Variants in SPRED1 observed in about 807,000 individuals in gnomAD.
SPRED1 encodes the protein sprouty related EVH1 domain containing 1, also known as sprouty-related, EVH1 domain-containing protein 1.
SPRED1 carries 18 observed loss-of-function variants against 52.3 expected under a neutral mutation model. The observed-to-expected ratio is 0.34, with a 90% CI of 0.24 to 0.51. SPRED1 has a LOEUF of 0.51. SPRED1 is among the 20% of genes least tolerant of loss of function. SPRED1 has a pLI of 0.97. For missense variants in SPRED1, 485 were observed against 551.0 expected (o/e 0.88, Z 1.20); for synonymous variants, 155 against 179.7 (o/e 0.86, Z 1.10).
chr15:38,259,634 T>A (rs1894166061), intron 1 of SPRED1, among the ~76,000 whole-genome samples: 1 of 152,214 alleles, frequency 6.6e-6, no homozygotes, highest in African/African-American at 2.4e-5. Flanking sequence ...CCAACTTGAT[T>A]AGTTCTACAA....
At chr15:38,262,991 T>C (rs1274417359) in intron 1 of SPRED1, among the ~76,000 whole-genome samples, 2 of 152,172 alleles carry the variant, frequency 1.3e-5, no homozygotes, top group Non-Finnish European at 2.9e-5. Flanking sequence ...GCAGGGCTTC[T>C]TAGGACAGTT....
At position 38,351,109 on chromosome 15, in the gene SPRED1, C is replaced by T; in HGVS notation, c.780C>T (p.Asp260=). The T allele has an allele frequency of 6.2e-7, 1 of 1,614,012 alleles. No homozygotes were observed. Among genetic ancestry groups the T allele is most frequent in the Non-Finnish European group, 8.5e-7 (1 of 1,179,966 alleles). The part of the protein sequence containing the change: ...PRDILIRRYA[D]YRHPDMWKND... ...ATATCTTAATACGTCGCTATGCAGACTACAGACATCCTGACATGTGGAAAA... is the reference window on the plus strand; with the variant it reads ...ATATCTTAATACGTCGCTATGCAGATTACAGACATCCTGACATGTGGAAAA... Residue 260 remains aspartate, a synonymous_variant, in exon 7 of 7, where the codon GAC becomes GAT. Transcript: ENST00000299084.
chr15:38,325,428 T>C (rs1443160461), intron 4 of SPRED1, among the ~76,000 whole-genome samples: 1 of 152,032 alleles, frequency 6.6e-6, no homozygotes, highest in Non-Finnish European at 1.5e-5. Context: ...TCAATCTTTA[T>C]ATAGAAAGTA....
intron 2 of SPRED1, among the ~76,000 whole-genome samples, chr15:38,316,908 C>T (rs150858700): frequency 2.0e-5 from 3 of 151,342 alleles, no homozygotes. Flanking sequence ...AAGGGTTATT[C>T]GTGTCATATT....
In SPRED1 at chr15:38,353,711, T is replaced by C. The variant is rs981442077; in HGVS notation, c.*2047T>C. On this transcript the variant is annotated 3_prime_UTR_variant, in exon 7 of 7. Transcript: ENST00000299084. ...TTTCCTTGTGAATGAATTTTCATAT[T>C]TGTAAGTGCTAAGTTTATAATTCAG... 1 of 152,564 alleles carries C rather than the reference T, an allele frequency of 6.6e-6. No individual in the cohort carries two copies. Among genetic ancestry groups the C allele is most frequent in the African/African-American group, 2.4e-5 (1 of 41,452 alleles). The allele number at this position is 152,564 out of a possible 1,614,324, so 9.5% of individuals were successfully genotyped here.
At chr15:38,257,835 G>C (rs1226518937) in intron 1 of SPRED1, among the ~76,000 whole-genome samples, 1 of 152,218 alleles carries the variant, frequency 6.6e-6, no homozygotes, top group African/African-American at 2.4e-5. Flanking sequence ...AACAGCAGCA[G>C]ATTCCGTGAT....
chr15:38,306,053 A>C (rs1282942444), intron 2 of SPRED1, among the ~76,000 whole-genome samples: 1 of 152,024 alleles, frequency 6.6e-6, no homozygotes, highest in Admixed American at 6.6e-5. Context: ...ACCATAATTA[A>C]ATTTCTAAAA....
At chr15:38,253,553 A>G (rs1477598935) in intron 1 of SPRED1, among the ~76,000 whole-genome samples, 2 of 152,072 alleles carry the variant, frequency 1.3e-5, no homozygotes, top group Admixed American at 1.3e-4. Context: ...TCACTCACAT[A>G]CCAGTCACCA....
chr15:38,280,069 G>A (rs1296436817), intron 1 of SPRED1, among the ~76,000 whole-genome samples: 1 of 152,190 alleles, frequency 6.6e-6, no homozygotes, highest in Non-Finnish European at 1.5e-5. Context: ...TCCACTGAAT[G>A]TTGCCTTGGT....
intron 3 of SPRED1, among the ~76,000 whole-genome samples, chr15:38,322,997 C>T (rs927746105): frequency 6.6e-5 from 10 of 152,048 alleles, no homozygotes; most frequent in African/African-American, 9.7e-5. Flanking sequence ...CTGGCTTATG[C>T]TTACTTAAAC....
chr15:38,297,356 G>A (rs2140976899), intron 1 of SPRED1, among the ~76,000 whole-genome samples: 1 of 152,308 alleles, frequency 6.6e-6, no homozygotes, highest in African/African-American at 2.4e-5. Context: ...GCCCACAAAT[G>A]TGGTTATTAT....
chr15:38,343,414 G>A (rs1169992117), intron 5 of SPRED1, among the ~76,000 whole-genome samples: 1 of 152,136 alleles, frequency 6.6e-6, no homozygotes, highest in African/African-American at 2.4e-5. Flanking sequence ...GCACAACGGA[G>A]ACTGTAAAGA....
chr15:38,336,795 G>C (rs868677197), intron 4 of SPRED1, among the ~76,000 whole-genome samples: 5 of 151,968 alleles, frequency 3.3e-5, no homozygotes, highest in Admixed American at 2.6e-4. Flanking sequence ...GGAAAAGGGT[G>C]GGGGTGGTGA....
At chr15:38,306,112 A>G (rs1257044985) in intron 2 of SPRED1, among the ~76,000 whole-genome samples, 3 of 152,040 alleles carry the variant, frequency 2.0e-5, no homozygotes, top group African/African-American at 7.2e-5. Context: ...CCTAGAGACA[A>G]TTTCATCTCC....
chr15:38,290,140 T>C (rs1894892116), intron 1 of SPRED1, among the ~76,000 whole-genome samples: 1 of 152,218 alleles, frequency 6.6e-6, no homozygotes, highest in Non-Finnish European at 1.5e-5. Context: ...CATCATGAAC[T>C]CTCATATTAA....
rs1446800532 is a variant in SPRED1 at position 38,353,591 on chromosome 15, G to A, written c.*1927G>A. 1 of 152,528 alleles carries A rather than the reference G, an allele frequency of 6.6e-6. No homozygotes were observed. The allele number at this position is 152,528 out of a possible 1,614,324, so 9.4% of individuals were successfully genotyped here. On this transcript the variant is annotated 3_prime_UTR_variant, in exon 7 of 7. Transcript: ENST00000299084. ...TATATATTTGAATGCTGCTACAACA[G>A]ATGATCTTCATCCCTGAAGTTTTCA... is the stretch of plus-strand genomic sequence containing the variant.
At chr15:38,345,514 C>T (rs1039040505) in intron 5 of SPRED1, among the ~76,000 whole-genome samples, 1 of 152,168 alleles carries the variant, frequency 6.6e-6, no homozygotes, top group African/African-American at 2.4e-5. Flanking sequence ...AGCAAGTTAA[C>T]GTACTAGTTT....
At position 38,349,651 on chromosome 15, in the gene SPRED1, T is replaced by C. The variant is rs1888439223; in HGVS notation, c.684+128T>C. ...AAAATTTTTCATTGTATAAATTTGC[T>C]GCCTATGTGCTTAAACGCTGTTAGT... On this transcript the variant is annotated intron_variant, in intron 6 of 6. Transcript: ENST00000299084. 3 of 688,272 alleles carry C rather than the reference T, an allele frequency of 4.4e-6. No homozygotes were observed. The South Asian group carries it at 4.9e-5, about 11-fold the overall frequency. 42.6% of individuals were successfully genotyped at this position (688,272 alleles called of 1,614,324 possible). A position where few individuals can be genotyped will look rare whatever the true frequency, so the allele number is the denominator to read the frequency against.
chr15:38,344,289 G>C (rs1471617229), intron 5 of SPRED1, among the ~76,000 whole-genome samples: 1 of 152,182 alleles, frequency 6.6e-6, no homozygotes, highest in Admixed American at 6.6e-5. Context: ...CACGGTGAAT[G>C]TAACACAGGG....
Sources: gnomAD v4.1 joint callset for allele counts (sites outside exome capture counted in the v4.1 genomes callset) on GRCh38, gnomAD v4.1.1 for gene constraint, MANE v1.5 for transcripts, NCBI Gene and HGNC (gene_info 2026-07-23, HGNC 2026-07-21) for gene names.